PPP6R1: variants seen among roughly 807,000 people sequenced by gnomAD.
The protein encoded by PPP6R1 is protein phosphatase 6 regulatory subunit 1.
Under a neutral mutation model 104.6 loss-of-function variants are expected in PPP6R1, and 39 were observed. The ratio of observed to expected loss-of-function variants is 0.37; its 90% CI spans 0.29 to 0.49. PPP6R1 has a LOEUF of 0.49. Ranked by LOEUF, PPP6R1 falls within the 20% of genes least tolerant of loss-of-function variation. The pLI, the probability that PPP6R1 is intolerant of heterozygous loss-of-function variation, is 0.98. For missense variants in PPP6R1, 1,181 were observed against 1,155.8 expected (o/e 1.02, Z -0.32); for synonymous variants, 549 against 479.0 (o/e 1.15, Z -1.91).
intron 5 of PPP6R1, among the ~76,000 whole-genome samples, chr19:55,243,434 G>C (rs1024218781): frequency 1.3e-5 from 2 of 149,668 alleles, no homozygotes; most frequent in South Asian, 2.1e-4. Context: ...GAAAGGCCAA[G>C]GTGGCAGGAT....
chr19:55,228,990 T>C, downstream of PPP6R1: 1 of 487,336 alleles, frequency 2.1e-6, no homozygotes, highest in Non-Finnish European at 3.8e-6. Context: ...CCTATCTGCC[T>C]GGGGAGGTTA....
intron 1 of PPP6R1, among the ~76,000 whole-genome samples, chr19:55,251,604 C>A (rs932146916): frequency 1.1e-4 from 16 of 152,190 alleles, no homozygotes; most frequent in Non-Finnish European, 1.5e-4. Context: ...CTTCCTTGCT[C>A]CGGGAACCTC....
At chr19:55,247,448 C>A (rs1383077954) in intron 1 of PPP6R1, 4 of 323,726 alleles carry the variant, frequency 1.2e-5, no homozygotes, top group Non-Finnish European at 2.3e-5. Context: ...CAGGTGTGGA[C>A]CATGTGCAGG....
At chr19:55,237,038 A>G (rs1459981549) in intron 15 of PPP6R1, 68 bp from the exon 16 acceptor site, 3 of 1,471,866 alleles carry the variant, frequency 2.0e-6, no homozygotes, top group Non-Finnish European at 2.8e-6. Flanking sequence ...GACAGGCCAC[A>G]TTTCTTTCTT....
rs1040263221 is a variant in PPP6R1 at position 55,237,058 on chromosome 19, C to T, written c.1752-88G>A. On this transcript the variant is annotated intron_variant, in intron 15 of 23. Transcript: ENST00000412770. ...GCCACATTTCTTTCTTCACTCAACA[C>T]AGAGCTGACCCTCATTACTTGCAGA... 16 of 1,351,886 alleles carry T rather than the reference C, an allele frequency of 1.2e-5. No homozygotes were observed. In the Middle Eastern group the frequency reaches 5.3e-4, roughly 45 times the overall value. The allele number at this position is 1,351,886 out of a possible 1,614,324, so 83.7% of individuals were successfully genotyped here.
intron 17 of PPP6R1, among the ~76,000 whole-genome samples, chr19:55,233,431 T>C (rs1027895436): frequency 2.0e-5 from 3 of 152,090 alleles, no homozygotes; most frequent in Non-Finnish European, 2.9e-5. Context: ...CTGTTCAACA[T>C]TGTCCCGGAG....
chr19:55,246,350 G>A (rs1402565991), intron 2 of PPP6R1, among the ~76,000 whole-genome samples: 1 of 151,812 alleles, frequency 6.6e-6, no homozygotes, highest in African/African-American at 2.4e-5. Flanking sequence ...ACTTGAACTT[G>A]GGAGGAGGAG....
chr19:55,236,683 G>A lies in PPP6R1; in HGVS notation c.1948C>T (p.Leu650=). 6.2e-7 allele frequency: 1 copy of A among 1,603,490 alleles called. No individual in the cohort carries two copies. Among genetic ancestry groups the A allele is most frequent in the Non-Finnish European group, 8.5e-7 (1 of 1,175,094 alleles). The stretch of plus-strand genomic sequence containing the variant: ...TGGCCCAGACGGGCCCCCCTGGCCA[G>A]CTGGCTGCCCTGCCAGGCGCCATCT... ...GEDGAWQGSQ[L]ARGARLGQPP... The change falls in exon 17 of 24, where the codon CTG becomes TTG. Residue 650 remains leucine (L), a synonymous_variant. Transcript: ENST00000412770.
intron 17 of PPP6R1, among the ~76,000 whole-genome samples, chr19:55,235,934 GGT>G (rs1382969280): frequency 6.6e-6 from 1 of 150,542 alleles, no homozygotes; most frequent in African/African-American, 2.5e-5. Flanking sequence ...CGCCCCCCAG[GGT>G]AAAGCGATCC....
chr19:55,231,365 G>C (rs933735425), intron 21 of PPP6R1, 45 bp downstream of exon 21: 9 of 1,531,780 alleles, frequency 5.9e-6, no homozygotes, highest in Non-Finnish European at 2.7e-6. Flanking sequence ...GCGAAGAGGA[G>C]AAAAGACTTC....
At chr19:55,254,430 C>T (rs955032453) in intron 1 of PPP6R1, among the ~76,000 whole-genome samples, 8 of 152,194 alleles carry the variant, frequency 5.3e-5, no homozygotes, top group African/African-American at 1.9e-4. Context: ...ACCAGCCACC[C>T]CTCAAGGGCC....
chr19:55,247,479 C>G (rs1014808455), intron 1 of PPP6R1: 4 of 229,712 alleles, frequency 1.7e-5, no homozygotes, highest in Non-Finnish European at 3.4e-5. Context: ...AGAGGCTGGA[C>G]CCTGTGCACT....
rs370329567 is a variant in PPP6R1 at position 55,241,275 on chromosome 19, G to A, written c.1125C>T (p.His375=). 4.9e-5 allele frequency: 79 copies of A among 1,608,794 alleles called. No individual in the cohort carries two copies. Among genetic ancestry groups the A allele is most frequent in the Admixed American group, 4.5e-4 (27 of 59,760 alleles). ...ALSANDAALT[H]ELLALDVPNT... is the part of the protein sequence containing the mutation. ...TGGGCACGTCCAGTGCCAGGAGCTC[G>A]TGCGTCAGGGCTGCATCATTGGCGC... Residue 375 remains histidine, a synonymous_variant, in exon 9 of 24, where the codon CAC becomes CAT. Transcript: ENST00000412770. This position sits in a 1 kb window ranked among gnomAD's most constrained non-coding sequence, Gnocchi z 5.4.
intron 5 of PPP6R1, among the ~76,000 whole-genome samples, chr19:55,243,706 G>A (rs1001407465): frequency 3.9e-5 from 6 of 152,098 alleles, no homozygotes; most frequent in South Asian, 2.1e-4. Flanking sequence ...AGGCTTGAGC[G>A]CAGTGGTGCC....
downstream of PPP6R1, chr19:55,228,333 G>A: frequency 6.2e-7 from 1 of 1,613,888 alleles, no homozygotes; most frequent in South Asian, 1.1e-5. Context: ...GCAGGCACTT[G>A]ACCAGGGCAG....
At chr19:55,243,379 C>T (rs1263434325) in intron 5 of PPP6R1, among the ~76,000 whole-genome samples, 1 of 141,134 alleles carries the variant, frequency 7.1e-6, no homozygotes, top group Non-Finnish European at 1.5e-5. Flanking sequence ...TGCCACTGCA[C>T]TCTAGACAGA....
intron 1 of PPP6R1, chr19:55,247,346 G>A (rs2087518709): frequency 5.4e-6 from 3 of 553,216 alleles, no homozygotes; most frequent in East Asian, 6.2e-5. Context: ...CCTCGAGCCT[G>A]CCCCTCTTCC....
Position 55,240,693 on chromosome 19 carries a change from T to C in PPP6R1, c.1296+252A>G, listed in dbSNP as rs1389911789. 1.3e-5 allele frequency among the ~76,000 whole-genome samples: 2 copies of C among 151,984 alleles called. No homozygotes were observed. The highest frequency in any genetic ancestry group is 4.8e-5 in the African/African-American group (2 of 41,336). On this transcript the variant is annotated intron_variant, in intron 10 of 23. Coordinates refer to ENST00000412770, the MANE Select transcript of PPP6R1 (RefSeq NM_014931.4). ...CGCACGTGTGCGCACTCATGCACAC[T>C]CAGCTGCTCGCAGGTCTGCTCCCGC...
In PPP6R1 at chr19:55,248,781, C is replaced by G. The variant is rs77907380; in HGVS notation, c.-6-1672G>C. On this transcript the variant is annotated intron_variant, in intron 1 of 23. Coordinates refer to ENST00000412770, the MANE Select transcript of PPP6R1 (RefSeq NM_014931.4). ...GAGACTTCATCGGAGCTTAGGAGAG[C>G]AGCCTGGGCTGACAAAACGCAGGAC... 7.2e-4 allele frequency among the ~76,000 whole-genome samples: 110 copies of G among 152,372 alleles called. 2 individuals are homozygous for G. In the East Asian group the frequency reaches 0.019, roughly 27 times the overall value.
Sources: allele counts gnomAD v4.1 joint callset (sites outside exome capture counted in the v4.1 genomes callset), GRCh38; gene constraint gnomAD v4.1.1; non-coding constraint Gnocchi (gnomAD v3.1); transcripts MANE v1.5; gene names NCBI Gene and HGNC (gene_info 2026-07-23, HGNC 2026-07-21).